The following DGKK variants were observed in gnomAD, a reference collection of about 807,000 sequenced individuals.
DGKK encodes the protein 142 kDa diacylglycerol kinase.
A neutral mutation model predicts 92.2 loss-of-function variants in DGKK; 35 were observed. The observed-to-expected ratio is 0.38, with a 90% CI of 0.29 to 0.50. The LOEUF (loss-of-function observed/expected upper bound fraction) is 0.50, where lower values mean the gene tolerates loss of function less well. DGKK is among the 20% of genes least tolerant of loss of function. The probability of loss-of-function intolerance (pLI) is 0.92; values close to 1 mark genes in which losing one functional copy is unlikely to be tolerated. For missense variants in DGKK, 910 were observed against 992.2 expected (o/e 0.92, Z 1.11); for synonymous variants, 368 against 360.6 (o/e 1.02, Z -0.23).
intron 25 of DGKK, among the ~76,000 whole-genome samples, chrX:50,374,378 C>G (rs1354324746): frequency 1.8e-5 from 2 of 111,397 alleles, no homozygotes; most frequent in Middle Eastern, 4.6e-3. Context: ...AAAGAAGGAC[C>G]CCTTACAGGT....
rs540301353 is a variant in DGKK, at chrX:50,385,530, T to C, written c.2348-706A>G. 4.1e-4 allele frequency among the ~76,000 whole-genome samples: 46 copies of C among 111,991 alleles called. No homozygotes were observed. The South Asian group carries it at 0.015, about 37-fold the overall frequency. Reference sequence around the variant, plus strand: ...ATCCACACTGCTTGGAAACTAATTATAGAAATAGAGGCAAATTGATTGTTT... The same window carrying C: ...ATCCACACTGCTTGGAAACTAATTACAGAAATAGAGGCAAATTGATTGTTT... On this transcript the variant is annotated intron_variant, in intron 15 of 27. Transcript: ENST00000611977.
chrX:50,398,378 G>T (rs1557226288), intron 8 of DGKK, among the ~76,000 whole-genome samples: 1 of 112,284 alleles, frequency 8.9e-6, no homozygotes, highest in Non-Finnish European at 1.9e-5. Flanking sequence ...ACAGAGTCAA[G>T]AAGATAGGGA....
chrX:50,443,783 C>T (rs1926223620), intron 1 of DGKK, among the ~76,000 whole-genome samples: 1 of 108,680 alleles, frequency 9.2e-6, no homozygotes, highest in Admixed American at 9.9e-5. Context: ...GTAACTATCA[C>T]CACAATCAAG....
chrX:50,446,044 T>A (rs1270361920), intron 1 of DGKK, among the ~76,000 whole-genome samples: 2 of 111,377 alleles, frequency 1.8e-5, no homozygotes, highest in African/African-American at 6.5e-5. Flanking sequence ...TTTATGGCAA[T>A]GGTGAATGGA....
intron 1 of DGKK, among the ~76,000 whole-genome samples, chrX:50,468,111 T>C (rs1432855702): frequency 4.5e-5 from 5 of 112,176 alleles, no homozygotes; most frequent in Non-Finnish European, 7.5e-5. Flanking sequence ...GAAACTAATC[T>C]GATTCCCCTT....
intron 12 of DGKK, among the ~76,000 whole-genome samples, chrX:50,389,102 T>C (rs964808963): frequency 8.0e-5 from 9 of 111,809 alleles, no homozygotes; most frequent in African/African-American, 2.6e-4. Context: ...AGATAAAGAC[T>C]GTTATTATCT....
At chrX:50,379,837 G>T in intron 19 of DGKK, 103 bp from the exon 20 acceptor site, 1 of 913,527 alleles carries the variant, frequency 1.1e-6, no homozygotes, top group Non-Finnish European at 1.6e-6. Context: ...TCCATTACAT[G>T]GAAATCTATC....
chrX:50,419,721 T>C (rs1557228924), intron 4 of DGKK, among the ~76,000 whole-genome samples: 1 of 112,187 alleles, frequency 8.9e-6, no homozygotes, highest in African/African-American at 3.2e-5. Flanking sequence ...TTACATAAAT[T>C]CTAACTGTGG....
chrX:50,407,516 G>GAA (rs1287766506), intron 4 of DGKK, among the ~76,000 whole-genome samples: 8 of 110,150 alleles, frequency 7.3e-5, no homozygotes, highest in Non-Finnish European at 1.3e-4. Context: ...GAGAGAGAGA[G>GAA]AACACCTCTT....
In DGKK at chrX:50,384,637, A is replaced by G. The variant is rs1007457733; in HGVS notation, c.2452+83T>C. On this transcript the variant is annotated intron_variant, in intron 16 of 27. Coordinates refer to ENST00000611977, the MANE Select transcript of DGKK (RefSeq NM_001013742.4). The stretch of plus-strand genomic sequence containing the variant: ...CAGGATTATGGCTAAAAGAGGATGC[A>G]TAAAAAATACATATTTATTCTTTGG... 5.4e-6 allele frequency: 5 copies of G among 926,296 alleles called. No homozygotes were observed. The African/African-American group carries it at 9.8e-5, about 18-fold the overall frequency. 76.3% of individuals were successfully genotyped at this position (926,296 alleles called of 1,213,427 possible). A position where few individuals can be genotyped will look rare whatever the true frequency, so the allele number is the denominator to read the frequency against.
At position 50,370,545 on chromosome X, in the gene DGKK, T is replaced by C. The variant is rs1924096330; in HGVS notation, c.3617A>G (p.Lys1206Arg). ...GCTTCTACTGTCAGTGTCCGAAGAT[T>C]TTTCCTGAGAAACCACAAGAGGAAG... ...WMNPIFVPEE[K>R]SSDTDSRSLR... The change falls in exon 27 of 28, where the codon AAA (lysine) becomes AGA (arginine). Residue 1206 changes from lysine to arginine, a missense_variant. Transcript: ENST00000611977. 1 of 1,195,430 alleles carries C rather than the reference T, an allele frequency of 8.4e-7. No individual in the cohort carries two copies. Among genetic ancestry groups the C allele is most frequent in the Non-Finnish European group, 1.1e-6 (1 of 887,856 alleles).
chrX:50,464,377 G>A (rs992039236), intron 1 of DGKK, among the ~76,000 whole-genome samples: 5 of 108,562 alleles, frequency 4.6e-5, no homozygotes, highest in African/African-American at 1.0e-4. Context: ...CCTCCCTCCC[G>A]CACCCCCCGC....
intron 8 of DGKK, among the ~76,000 whole-genome samples, chrX:50,394,338 G>C (rs1026003777): frequency 2.7e-5 from 3 of 111,419 alleles, no homozygotes; most frequent in Non-Finnish European, 5.7e-5. Context: ...TGGTTTGCCT[G>C]GAAAAATCAA....
chrX:50,385,250 C>A (rs1275740886), intron 15 of DGKK, among the ~76,000 whole-genome samples: 1 of 111,266 alleles, frequency 9.0e-6, no homozygotes, highest in Non-Finnish European at 1.9e-5. Context: ...TAGGACTGTG[C>A]CACTCTTTCA....
intron 7 of DGKK, among the ~76,000 whole-genome samples, chrX:50,402,270 A>G (rs782433151): frequency 9.0e-6 from 1 of 111,176 alleles, no homozygotes; most frequent in South Asian, 3.9e-4. Flanking sequence ...TTAGCTGGGC[A>G]TGGTGGCATG....
At chrX:50,447,864 T>G (rs182217689) in intron 1 of DGKK, among the ~76,000 whole-genome samples, 18 of 110,238 alleles carry the variant, frequency 1.6e-4, no homozygotes, top group Admixed American at 1.4e-3. Flanking sequence ...AAATGTTGCT[T>G]TTCAATTATT....
chrX:50,465,089 A>G (rs1926859600), intron 1 of DGKK, among the ~76,000 whole-genome samples: 1 of 111,885 alleles, frequency 8.9e-6, no homozygotes, highest in African/African-American at 3.2e-5. Context: ...TCAAGAGATT[A>G]AGCATGAGCC....
At chrX:50,396,117 A>G (rs1304331145) in intron 8 of DGKK, among the ~76,000 whole-genome samples, 1 of 112,393 alleles carries the variant, frequency 8.9e-6, no homozygotes, top group Non-Finnish European at 1.9e-5. Context: ...CATACAGCAG[A>G]ATATCTTGTA....
chrX:50,432,941 G>A (rs1925925917), intron 1 of DGKK, among the ~76,000 whole-genome samples: 1 of 111,933 alleles, frequency 8.9e-6, no homozygotes, highest in African/African-American at 3.3e-5. Context: ...GGTATGGGGA[G>A]GAGGTGAGCA....
Sources: allele counts gnomAD v4.1 joint callset (sites outside exome capture counted in the v4.1 genomes callset), GRCh38; gene constraint gnomAD v4.1.1; transcripts MANE v1.5; gene names NCBI Gene and HGNC (gene_info 2026-07-23, HGNC 2026-07-21).